KCNN2: variants seen among roughly 807,000 people sequenced by gnomAD.
KCNN2 encodes the protein potassium calcium-activated channel subfamily N member 2, also known as small conductance calcium-activated potassium channel protein 2.
Under a neutral mutation model 55.5 loss-of-function variants are expected in KCNN2, and 24 were observed. That is an observed-to-expected ratio of 0.43 (90% CI 0.31 to 0.61). The LOEUF (loss-of-function observed/expected upper bound fraction) is 0.61, where lower values mean the gene tolerates loss of function less well. Among genes scored for constraint, KCNN2 ranks in the 20% least tolerant of loss-of-function variants. KCNN2 has a pLI of 0.08. For synonymous variants in KCNN2, 431 were observed against 336.1 expected, an observed-to-expected ratio of 1.28 and a Z score of -3.09; for missense variants, 754 against 853.6, an observed-to-expected ratio of 0.88 and a Z score of 1.45.
chr5:114,339,190 C>A (rs1158923227), intron 2 of KCNN2, among the ~76,000 whole-genome samples: 21 of 152,238 alleles, frequency 1.4e-4, no homozygotes, highest in Admixed American at 1.4e-3. Context: ...GTCACCTCAA[C>A]AGCCAGCTCA....
chr5:114,306,700 CTTTTT>C (rs1245549186), intron 2 of KCNN2, among the ~76,000 whole-genome samples: 3 of 115,518 alleles, frequency 2.6e-5, no homozygotes, highest in Admixed American at 9.4e-5. Flanking sequence ...TTTTTTTTTT[CTTTTT>C]TTTTTTTTTT....
chr5:114,270,769 C>A (rs1039911474), intron 2 of KCNN2, among the ~76,000 whole-genome samples: 4 of 152,160 alleles, frequency 2.6e-5, no homozygotes, highest in Non-Finnish European at 4.4e-5. Flanking sequence ...CTTGGTCTTG[C>A]TGACTTCAAG....
intron 3 of KCNN2, among the ~76,000 whole-genome samples, chr5:114,445,928 CAG>C: frequency 6.6e-6 from 1 of 152,302 alleles, no homozygotes; most frequent in East Asian, 1.9e-4. Context: ...ACAGTATGGG[CAG>C]GATCACGGGA....
chr5:114,307,169 C>T (rs1756297278), intron 2 of KCNN2, among the ~76,000 whole-genome samples: 1 of 152,090 alleles, frequency 6.6e-6, no homozygotes, highest in Non-Finnish European at 1.5e-5. Flanking sequence ...TATTTATTTA[C>T]ACATTTATGG....
chr5:114,445,199 G>C (rs1033093754), intron 3 of KCNN2, among the ~76,000 whole-genome samples: 1 of 152,162 alleles, frequency 6.6e-6, no homozygotes, highest in Admixed American at 6.5e-5. Context: ...TTCTTTAGCT[G>C]TGCCCAAGTG....
At chr5:114,245,460 T>C (rs1350369835) in intron 2 of KCNN2, among the ~76,000 whole-genome samples, 1 of 152,230 alleles carries the variant, frequency 6.6e-6, no homozygotes, top group South Asian at 2.1e-4. Context: ...ACAAAGAAAC[T>C]GAATTTCAAA....
At chr5:114,416,768 T>C (rs921205761) in intron 3 of KCNN2, among the ~76,000 whole-genome samples, 2 of 152,242 alleles carry the variant, frequency 1.3e-5, no homozygotes, top group Admixed American at 6.5e-5. Flanking sequence ...AATAAGATTT[T>C]ACGGACTTTT....
At chr5:114,214,900 T>C (rs1030990438) in intron 1 of KCNN2, among the ~76,000 whole-genome samples, 5 of 152,112 alleles carry the variant, frequency 3.3e-5, no homozygotes, top group Non-Finnish European at 7.4e-5. Context: ...TGAATAACTT[T>C]TAGGTTATAC....
At chr5:114,455,620 A>G (rs1001088470) in intron 3 of KCNN2, among the ~76,000 whole-genome samples, 13 of 152,258 alleles carry the variant, frequency 8.5e-5, no homozygotes, top group African/African-American at 3.1e-4. Context: ...CTTAATGAGG[A>G]AGGCATTTCA....
At chr5:114,256,471 G>A (rs909960945) in intron 2 of KCNN2, among the ~76,000 whole-genome samples, 17 of 152,276 alleles carry the variant, frequency 1.1e-4, no homozygotes, top group Non-Finnish European at 2.4e-4. Flanking sequence ...GTCCATAGAT[G>A]TTGTACTAAT....
chr5:114,172,289 A>G (rs1753050392), intron 1 of KCNN2, among the ~76,000 whole-genome samples: 1 of 151,960 alleles, frequency 6.6e-6, no homozygotes, highest in South Asian at 2.1e-4. Flanking sequence ...ATTAACAAAG[A>G]AGGTAGGAAG....
At chr5:114,154,071 T>TGCTTCTTTATAAACA (rs1752579307) in intron 1 of KCNN2, among the ~76,000 whole-genome samples, 1 of 152,174 alleles carries the variant, frequency 6.6e-6, no homozygotes, top group African/African-American at 2.4e-5. Context: ...GTATCATGTC[T>TGCTTCTTTATAAACA]GCTTCTTTAT....
chr5:114,483,865 A>T (rs773234118), intron 5 of KCNN2, among the ~76,000 whole-genome samples: 1 of 152,060 alleles, frequency 6.6e-6, no homozygotes, highest in Non-Finnish European at 1.5e-5. Flanking sequence ...TATTATACCT[A>T]CTAAATGTTT....
intron 1 of KCNN2, among the ~76,000 whole-genome samples, chr5:114,172,057 T>A (rs1753044194): frequency 6.6e-6 from 1 of 151,860 alleles, no homozygotes; most frequent in African/African-American, 2.4e-5. Context: ...CTTCTAAGCT[T>A]GACCAAGGGA....
At chr5:114,301,099 G>A (rs1027917251) in intron 2 of KCNN2, among the ~76,000 whole-genome samples, 18 of 150,414 alleles carry the variant, frequency 1.2e-4, no homozygotes, top group African/African-American at 4.4e-4. Flanking sequence ...CCTATAGACT[G>A]TTCTTGAGAG....
chr5:114,292,192 TTAA>T (rs1369425311), intron 2 of KCNN2, among the ~76,000 whole-genome samples: 2 of 152,222 alleles, frequency 1.3e-5, no homozygotes, highest in African/African-American at 4.8e-5. Flanking sequence ...GCTCTTTAGT[TTAA>T]TTAGATCCCA....
rs1461972094 is a variant in KCNN2 at position 114,159,733 on chromosome 5, AG to A, written c.-270-61744del. 3.3e-5 allele frequency among the ~76,000 whole-genome samples: 5 copies of A among 152,150 alleles called. No homozygotes were observed. In the East Asian group the frequency reaches 9.7e-4, roughly 29 times the overall value. On this transcript the variant is annotated intron_variant, in intron 1 of 10. Transcript: ENST00000512097. ...AACTTCTTCCTGGTTTAGTCTTGGGAGGGTGTATGTGTCGAGGAATTTATCC... is the reference window on the plus strand; with the variant it reads ...AACTTCTTCCTGGTTTAGTCTTGGGAGGTGTATGTGTCGAGGAATTTATCC...
intron 2 of KCNN2, among the ~76,000 whole-genome samples, chr5:114,337,651 G>A (rs1182694659): frequency 6.6e-6 from 1 of 152,134 alleles, no homozygotes; most frequent in Non-Finnish European, 1.5e-5. Flanking sequence ...TGGCTGATTT[G>A]TGATAATATC....
chr5:114,275,514 C>T (rs570467190), intron 2 of KCNN2, among the ~76,000 whole-genome samples: 7 of 152,010 alleles, frequency 4.6e-5, no homozygotes, highest in Non-Finnish European at 1.0e-4. Context: ...ATTTCAGAAC[C>T]TGTTATTTGT....
Sources: allele counts gnomAD v4.1 joint callset (sites outside exome capture counted in the v4.1 genomes callset), GRCh38; gene constraint gnomAD v4.1.1; transcripts MANE v1.5; gene names NCBI Gene and HGNC (gene_info 2026-07-23, HGNC 2026-07-21).